Variants in SNX10 observed in about 807,000 individuals in gnomAD.
The protein encoded by SNX10 is sorting nexin 10.
Under a neutral mutation model 28.5 loss-of-function variants are expected in SNX10, and 25 were observed. The ratio of observed to expected loss-of-function variants is 0.88; its 90% CI spans 0.64 to 1.22. The LOEUF (loss-of-function observed/expected upper bound fraction) is 1.22. Among genes scored for constraint, SNX10 ranks in the 50% most tolerant of loss-of-function variants. The pLI is 0.00. For synonymous variants in SNX10, 62 were observed against 81.4 expected (o/e 0.76, Z 1.28); for missense variants, 223 against 242.6 (o/e 0.92, Z 0.54).
intron 1 of SNX10, among the ~76,000 whole-genome samples, chr7:26,305,641 A>G (rs1186735658): frequency 1.3e-5 from 2 of 152,184 alleles, no homozygotes; most frequent in Non-Finnish European, 2.9e-5. Context: ...AACACACAGG[A>G]AACTTCCTAT....
chr7:26,372,488 C>G lies in SNX10; in HGVS notation c.525-3C>G. 3.1e-6 allele frequency: 5 copies of G among 1,594,658 alleles called. No individual in the cohort carries two copies. In the South Asian group the frequency reaches 5.5e-5, roughly 18 times the overall value. On this transcript the variant is annotated splice_polypyrimidine_tract_variant and splice_region_variant and intron_variant, in intron 6 of 6. Coordinates refer to ENST00000338523, the MANE Select transcript of SNX10 (RefSeq NM_013322.3). ...ATTATTTTCCCCCTCTCTTCTTTTC[C>G]AGTTCATCCTCTGGGCTTGGACACA...
chr7:26,371,989 TGAA>T lies in SNX10; in HGVS notation c.485_487del (p.Glu162del). ...TGAATAGACGTTTCCCTGAAGAAGA[TGAA>T]GAAGGAAAAAAAGAAAATGATATAG... On this transcript the variant is annotated inframe_deletion, in exon 6 of 7. Transcript: ENST00000338523. 1 of 1,612,792 alleles carries T rather than the reference TGAA, an allele frequency of 6.2e-7. No individual in the cohort carries two copies. The highest frequency in any genetic ancestry group is 8.5e-7 in the Non-Finnish European group (1 of 1,179,170).
intron 5 of SNX10, among the ~76,000 whole-genome samples, chr7:26,366,667 A>C (rs1789301242): frequency 6.6e-6 from 1 of 152,186 alleles, no homozygotes; most frequent in Non-Finnish European, 1.5e-5. Context: ...ACTCTAGTGT[A>C]GGACATGTTG....
At chr7:26,334,259 A>C (rs1787843209) in intron 1 of SNX10, among the ~76,000 whole-genome samples, 1 of 152,220 alleles carries the variant, frequency 6.6e-6, no homozygotes, top group Non-Finnish European at 1.5e-5. Flanking sequence ...TGTAATGATC[A>C]GATCAGGGTA....
At position 26,358,386 on chromosome 7, in the gene SNX10, T is replaced by C. The variant is rs114453659; in HGVS notation, c.25-2589T>C. The stretch of plus-strand genomic sequence containing the variant: ...TAAATCCCTCTTATAATTTAGAATG[T>C]GCTTTTAAGAAATGATGGTTGTCTC... On this transcript the variant is annotated intron_variant, in intron 2 of 6. Coordinates refer to ENST00000338523, the MANE Select transcript of SNX10 (RefSeq NM_013322.3). Among the ~76,000 whole-genome samples, 589 of 152,254 alleles carry C rather than the reference T, an allele frequency of 3.9e-3. 6 individuals carry two copies. The highest frequency in any genetic ancestry group is 0.014 in the African/African-American group (570 of 41,532).
rs537061600 is a variant in SNX10, at chr7:26,359,668, A to ATT, written c.25-1294_25-1293dup. Among the ~76,000 whole-genome samples the ATT allele has an allele frequency of 1.4e-3, 213 of 147,068 alleles. 1 individual carries two copies. The highest frequency in any genetic ancestry group is 1.8e-3 in the Non-Finnish European group (121 of 66,462). ...GCACCTGTTAAAAAGTATTGTTTTA[A>ATT]TTTTTTTTTTTTTTGAGACGGAGAC... On this transcript the variant is annotated intron_variant, in intron 2 of 6. Transcript: ENST00000338523.
intron 1 of SNX10, among the ~76,000 whole-genome samples, chr7:26,320,230 C>T (rs184065120): frequency 3.3e-5 from 5 of 151,954 alleles, no homozygotes; most frequent in African/African-American, 1.2e-4. Flanking sequence ...GATCTGCCTG[C>T]CTCGCCCTCC....
Position 26,372,008 on chromosome 7 carries a change from A to C in SNX10, c.499A>C (p.Asn167His), listed in dbSNP as rs1789566503. 1.9e-6 allele frequency: 3 copies of C among 1,608,390 alleles called. No individual in the cohort carries two copies. Among genetic ancestry groups the C allele is most frequent in the Non-Finnish European group, 2.6e-6 (3 of 1,175,210 alleles). ...PEEDEEGKKE[N>H]DIDYDSESSS... ...AGAAGATGAAGAAGGAAAAAAAGAA[A>C]ATGATATAGATTATGATTCAGAAAG... The change falls in exon 6 of 7, where the codon AAT becomes CAT. Residue 167 changes from asparagine to histidine, a missense_variant. By Grantham distance (68) the Asn-to-His change is moderately conservative. Transcript: ENST00000338523.
At chr7:26,343,503 GGA>G (rs886074718) in intron 1 of SNX10, among the ~76,000 whole-genome samples, 1 of 152,186 alleles carries the variant, frequency 6.6e-6, no homozygotes, top group African/African-American at 2.4e-5. Flanking sequence ...CAGTCAAATG[GGA>G]GAGACAGAGG....
chr7:26,372,248 A>G, intron 6 of SNX10: 1 of 588,540 alleles, frequency 1.7e-6, no homozygotes. Flanking sequence ...AATGCAGTAG[A>G]AATTCAATTA....
At chr7:26,337,305 C>T (rs1307352447) in intron 1 of SNX10, among the ~76,000 whole-genome samples, 4 of 152,182 alleles carry the variant, frequency 2.6e-5, no homozygotes, top group Non-Finnish European at 5.9e-5. Flanking sequence ...ATGGTCTACA[C>T]CATACTAGTG....
At chr7:26,339,604 A>T (rs1396368143) in intron 1 of SNX10, among the ~76,000 whole-genome samples, 2 of 141,662 alleles carry the variant, frequency 1.4e-5, no homozygotes, top group South Asian at 2.2e-4. Context: ...ATCTCGGCTC[A>T]CTGTAACCTC....
intron 1 of SNX10, among the ~76,000 whole-genome samples, chr7:26,336,047 G>C (rs760589994): frequency 7.2e-5 from 11 of 152,288 alleles, no homozygotes; most frequent in Middle Eastern, 3.4e-3. Flanking sequence ...ATTCTTAAGA[G>C]ATGAAAGTAA....
Position 26,314,519 on chromosome 7 carries a change from T to C in SNX10, c.-24+22433T>C, listed in dbSNP as rs183257401. Among the ~76,000 whole-genome samples, 379 of 152,334 alleles carry C rather than the reference T, an allele frequency of 2.5e-3. 3 individuals carry two copies. Among genetic ancestry groups the C allele is most frequent in the Non-Finnish European group, 3.7e-3 (255 of 68,014 alleles). ...TATAATATGGGTCCTGTGTGGCTTG[T>C]TTAAAACACATTGCTCTGAAACCCT... is the stretch of plus-strand genomic sequence containing the variant. On this transcript the variant is annotated intron_variant, in intron 1 of 6. Transcript: ENST00000338523.
chr7:26,340,056 A>AT (rs1328075587), intron 1 of SNX10, among the ~76,000 whole-genome samples: 1 of 151,804 alleles, frequency 6.6e-6, no homozygotes, highest in African/African-American at 2.4e-5. Context: ...TTATTTCATC[A>AT]TTTGAAAAAA....
chr7:26,359,515 TA>T (rs144081379), intron 2 of SNX10, among the ~76,000 whole-genome samples: 3,453 of 152,258 alleles, frequency 0.023, 203 homozygotes, highest in East Asian at 0.22. Flanking sequence ...CTCTAATATT[TA>T]AAATCAAACT....
intron 1 of SNX10, among the ~76,000 whole-genome samples, chr7:26,316,009 C>T (rs937626277): frequency 2.6e-5 from 4 of 151,616 alleles, no homozygotes; most frequent in Non-Finnish European, 5.9e-5. Flanking sequence ...GGTGAAACCC[C>T]GTCTCTACTA....
chr7:26,345,801 C>T (rs1429046863), intron 1 of SNX10, among the ~76,000 whole-genome samples: 2 of 152,122 alleles, frequency 1.3e-5, no homozygotes, highest in South Asian at 2.1e-4. Context: ...GGTGTTAAAT[C>T]TAATGAGCTT....
rs531008019 is a variant in SNX10, at chr7:26,348,103, G to A, written c.24+1637G>A. 4.1e-4 allele frequency among the ~76,000 whole-genome samples: 63 copies of A among 152,262 alleles called. 1 individual carries two copies. The highest frequency in any genetic ancestry group is 8.7e-4 in the Non-Finnish European group (59 of 68,026). ...CCTAAATGGATTTTTATATACCTGTGTAACTACCACTCAGATCAAAGTATA... is the reference window on the plus strand; with the variant it reads ...CCTAAATGGATTTTTATATACCTGTATAACTACCACTCAGATCAAAGTATA... On this transcript the variant is annotated intron_variant, in intron 2 of 6. Coordinates refer to ENST00000338523, the MANE Select transcript of SNX10 (RefSeq NM_013322.3).
Sources: allele counts gnomAD v4.1 joint callset (sites outside exome capture counted in the v4.1 genomes callset), GRCh38; gene constraint gnomAD v4.1.1; transcripts MANE v1.5; gene names NCBI Gene and HGNC (gene_info 2026-07-23, HGNC 2026-07-21).